The following OR10A2 variants were observed in gnomAD, a reference collection of about 807,000 sequenced individuals.
OR10A2 encodes the protein olfactory receptor 10A2.
OR10A2 carries 15 observed loss-of-function variants against 13.7 expected under a neutral mutation model. The observed-to-expected ratio is 1.10, with a 90% CI of 0.73 to 1.69. OR10A2 has a LOEUF of 1.69. Among genes scored for constraint, OR10A2 ranks in the 40% most tolerant of loss-of-function variants. The pLI is 0.00. For missense variants in OR10A2, 343 were observed against 361.1 expected (o/e 0.95, Z 0.41); for synonymous variants, 145 against 144.7 (o/e 1.00, Z -0.02).
At chr11:6,865,055 TAAAA>T (rs1220461523) in intron 1 of OR10A2, among the ~76,000 whole-genome samples, 3 of 145,700 alleles carry the variant, frequency 2.1e-5, no homozygotes, top group Admixed American at 1.4e-4. Context: ...ATGTTCATCT[TAAAA>T]TGAATATATA....
At chr11:6,864,279 G>C (rs1425470671) in intron 1 of OR10A2, among the ~76,000 whole-genome samples, 3 of 151,230 alleles carry the variant, frequency 2.0e-5, no homozygotes, top group Non-Finnish European at 4.4e-5. Flanking sequence ...TCTGTCATGA[G>C]GCTTCTAGTT....
chr11:6,867,513 C>T (rs116587220), intron 1 of OR10A2, among the ~76,000 whole-genome samples: 1,814 of 151,622 alleles, frequency 0.012, 39 homozygotes, highest in Admixed American at 0.033. Context: ...TGCCTGGCCT[C>T]GATATTCAAT....
At chr11:6,863,961 T>C (rs1336222718) in intron 1 of OR10A2, among the ~76,000 whole-genome samples, 2 of 152,218 alleles carry the variant, frequency 1.3e-5, no homozygotes, top group African/African-American at 4.8e-5. Flanking sequence ...CATTATAAGA[T>C]TTTTTTCCTT....
rs1848458912 is a variant in OR10A2 at position 6,873,757 on chromosome 11, T to C, written c.*3091T>C. ...AAGCAGGTAAGTGACTTAACCAGAG[T>C]TGCTGGTTAAGACAGCAACTGGTAA... On this transcript the variant is annotated 3_prime_UTR_variant, in exon 2 of 2. Transcript: ENST00000641461. 1 of 147,820 alleles carries C rather than the reference T, an allele frequency of 6.8e-6. No individual in the cohort carries two copies. Among genetic ancestry groups the C allele is most frequent in the Admixed American group, 6.8e-5 (1 of 14,660 alleles). 9.2% of individuals were successfully genotyped at this position (147,820 alleles called of 1,614,324 possible). A position where few individuals can be genotyped will look rare whatever the true frequency, so the allele number is the denominator to read the frequency against.
At chr11:6,869,538 G>T (rs1848406636) in intron 1 of OR10A2, 85 bp from the exon 2 acceptor site, 2 of 580,172 alleles carry the variant, frequency 3.4e-6, no homozygotes, top group Non-Finnish European at 6.1e-6. Flanking sequence ...ATTAGGCTCT[G>T]GCTACTATTT....
intron 1 of OR10A2, among the ~76,000 whole-genome samples, chr11:6,865,242 A>C (rs1003109577): frequency 4.0e-5 from 6 of 150,214 alleles, no homozygotes; most frequent in Non-Finnish European, 7.4e-5. Flanking sequence ...CCCTCCTTTT[A>C]CCACTTGAAA....
In OR10A2 at chr11:6,870,638, C is replaced by T. The variant is rs899545925; in HGVS notation, c.884C>T (p.Ala295Val). 32 of 1,592,648 alleles carry T rather than the reference C, an allele frequency of 2.0e-5. No individual in the cohort carries two copies. Among genetic ancestry groups the T allele is most frequent in the East Asian group, 1.1e-4 (5 of 44,776 alleles). Residue 295 changes from alanine (A) to valine (V), a missense_variant, in exon 2 of 2, where the codon GCC becomes GTC. Coordinates refer to ENST00000641461, the MANE Select transcript of OR10A2 (RefSeq NM_001004460.2). The stretch of plus-strand genomic sequence containing the variant: ...GCCCTCAGCAGGACGGTCTCTAAGG[C>T]CCTAGCCCTCAGAAACTGTATCCCA... ...KNALSRTVSK[A>V]LALRNCIP is the part of the protein sequence containing the mutation.
In OR10A2 at chr11:6,870,827, G is replaced by A. The variant is rs1339486156; in HGVS notation, c.*161G>A. On this transcript the variant is annotated 3_prime_UTR_variant, in exon 2 of 2. Transcript: ENST00000641461. The stretch of plus-strand genomic sequence containing the variant: ...GAGAAAGGAGCAGAGAAGTAGTTTC[G>A]ACCTAGCACCACCAACTATGAAAAC... The A allele has an allele frequency of 5.4e-6, 3 of 560,416 alleles. No individual in the cohort carries two copies. Among genetic ancestry groups the A allele is most frequent in the Middle Eastern group, 2.6e-4 (1 of 3,784 alleles). 34.7% of individuals were successfully genotyped at this position (560,416 alleles called of 1,614,324 possible).
chr11:6,867,171 C>T (rs999039759), intron 1 of OR10A2, among the ~76,000 whole-genome samples: 3 of 151,666 alleles, frequency 2.0e-5, no homozygotes, highest in African/African-American at 7.3e-5. Flanking sequence ...CTTTTCTGGC[C>T]CCACACTGTC....
chr11:6,869,198 C>T (rs1239626596), intron 1 of OR10A2, among the ~76,000 whole-genome samples: 3 of 152,212 alleles, frequency 2.0e-5, no homozygotes, highest in Non-Finnish European at 4.4e-5. Flanking sequence ...TCAATACATG[C>T]TAACCTTTCA....
rs929157547 is a variant in OR10A2, at chr11:6,873,046, A to T, written c.*2380A>T. ...TTACCATGTTGGAGCTCCTGGCCTC[A>T]AGTGATCTGCCTGCCTCAGCCTCCC... On this transcript the variant is annotated 3_prime_UTR_variant, in exon 2 of 2. Transcript: ENST00000641461. The T allele has an allele frequency of 2.0e-5, 3 of 151,912 alleles. No individual in the cohort carries two copies. The highest frequency in any genetic ancestry group is 7.3e-5 in the African/African-American group (3 of 41,290). The allele number at this position is 151,912 out of a possible 1,614,324, so 9.4% of individuals were successfully genotyped here.
chr11:6,874,634 C>A lies in OR10A2; in HGVS notation c.*3968C>A, dbSNP rs1035638505. On this transcript the variant is annotated 3_prime_UTR_variant, in exon 2 of 2. Transcript: ENST00000641461. The stretch of plus-strand genomic sequence containing the variant: ...TTGCTGAAAAAACTACTCAACTTAT[C>A]TGTGTCTCAGATTCCTTGACTGTAA... 1.3e-5 allele frequency: 2 copies of A among 152,162 alleles called. No homozygotes were observed. The allele number at this position is 152,162 out of a possible 1,614,324, so 9.4% of individuals were successfully genotyped here. A position where few individuals can be genotyped will look rare whatever the true frequency, so the allele number is the denominator to read the frequency against.
rs780447390 is a variant in OR10A2, at chr11:6,870,328, C to T, written c.574C>T (p.Leu192=). Reference sequence around the variant, plus strand: ...GATCTACGCCATCGTCGGAACCATTCTGGTGGTCATGATCCCCTGCTTGCT... The same window carrying T: ...GATCTACGCCATCGTCGGAACCATTTTGGTGGTCATGATCCCCTGCTTGCT... ...FEIYAIVGTI[L]VVMIPCLLIL... Residue 192 remains leucine, a synonymous_variant, in exon 2 of 2, where the codon CTG becomes TTG. Transcript: ENST00000641461. 14 of 1,614,054 alleles carry T rather than the reference C, an allele frequency of 8.7e-6. No homozygotes were observed. Among genetic ancestry groups the T allele is most frequent in the Middle Eastern group, 3.3e-4 (2 of 6,084 alleles).
Position 6,870,597 on chromosome 11 carries a change from T to C in OR10A2, c.843T>C (p.Asn281=), listed in dbSNP as rs1848423324. The change falls in exon 2 of 2, where the codon AAT becomes AAC. Residue 281 remains asparagine (N), a synonymous_variant. Transcript: ENST00000641461. ...MLNPIIYSLR[N]NEVKNALSRT... is the part of the protein sequence containing the mutation. ...ACCCCATTATCTACAGCCTGAGAAA[T>C]AACGAGGTGAAGAATGCCCTCAGCA... The C allele has an allele frequency of 1.9e-6, 3 of 1,613,592 alleles. No homozygotes were observed. Among genetic ancestry groups the C allele is most frequent in the Admixed American group, 1.7e-5 (1 of 59,972 alleles).
At position 6,870,814 on chromosome 11, in the gene OR10A2, G is replaced by A; in HGVS notation, c.*148G>A. On this transcript the variant is annotated 3_prime_UTR_variant, in exon 2 of 2. Transcript: ENST00000641461. Reference sequence around the variant, plus strand: ...AAAGCTGAGTGGAGAGAAAGGAGCAGAGAAGTAGTTTCGACCTAGCACCAC... The same window carrying A: ...AAAGCTGAGTGGAGAGAAAGGAGCAAAGAAGTAGTTTCGACCTAGCACCAC... The A allele has an allele frequency of 6.3e-6, 4 of 635,990 alleles. No homozygotes were observed. In the South Asian group the frequency reaches 1.0e-4, roughly 16 times the overall value. The allele number at this position is 635,990 out of a possible 1,614,324, so 39.4% of individuals were successfully genotyped here. A position where few individuals can be genotyped will look rare whatever the true frequency, so the allele number is the denominator to read the frequency against.
rs893467320 is a variant in OR10A2 at position 6,872,582 on chromosome 11, T to C, written c.*1916T>C. 2 of 152,224 alleles carry C rather than the reference T, an allele frequency of 1.3e-5. No individual in the cohort carries two copies. Among genetic ancestry groups the C allele is most frequent in the African/African-American group, 4.8e-5 (2 of 41,434 alleles). The allele number at this position is 152,224 out of a possible 1,614,324, so 9.4% of individuals were successfully genotyped here. A position where few individuals can be genotyped will look rare whatever the true frequency, so the allele number is the denominator to read the frequency against. On this transcript the variant is annotated 3_prime_UTR_variant, in exon 2 of 2. Coordinates refer to ENST00000641461, the MANE Select transcript of OR10A2 (RefSeq NM_001004460.2). Reference sequence around the variant, plus strand: ...TCACTGTAGCCTCAAACACCTGGGCTCAGGCCATCTTCCTGCCTCAGTCTC... The same window carrying C: ...TCACTGTAGCCTCAAACACCTGGGCCCAGGCCATCTTCCTGCCTCAGTCTC...
intron 1 of OR10A2, among the ~76,000 whole-genome samples, chr11:6,866,673 T>C (rs1299852897): frequency 2.6e-5 from 4 of 152,130 alleles, no homozygotes; most frequent in Admixed American, 1.3e-4. Flanking sequence ...TATTTTTTTG[T>C]TTGGTTGTGG....
At position 6,863,358 on chromosome 11, in the gene OR10A2, CTTTTTTTTTTTTTTT is replaced by C. The variant is rs60582338; in HGVS notation, c.-133+19_-133+33del. On this transcript the variant is annotated splice_region_variant and intron_variant, in intron 1 of 1. Transcript: ENST00000641461. The stretch of plus-strand genomic sequence containing the variant: ...ATGTTCCTGTTGGACACAGGTAAGC[CTTTTTTTTTTTTTTT>C]TTTTTTTTTTTCCACCAAGGACTGA... The C allele has an allele frequency of 1.1e-5, 1 of 89,290 alleles. No individual in the cohort carries two copies. Among genetic ancestry groups the C allele is most frequent in the Non-Finnish European group, 2.0e-5 (1 of 49,654 alleles). The allele number at this position is 89,290 out of a possible 1,614,324, so 5.5% of individuals were successfully genotyped here.
At position 6,870,988 on chromosome 11, in the gene OR10A2, C is replaced by T. The variant is rs113587225; in HGVS notation, c.*322C>T. 1,488 of 163,702 alleles carry T rather than the reference C, an allele frequency of 9.1e-3. 12 individuals are homozygous for T. The highest frequency in any genetic ancestry group is 0.013 in the Admixed American group (220 of 16,404). The allele number at this position is 163,702 out of a possible 1,614,324, so 10.1% of individuals were successfully genotyped here. ...TTGAGACGGAGTCTCGCTCTGTCCC[C>T]CAGGCTGGAGTGCAGTGGCGCATCT... On this transcript the variant is annotated 3_prime_UTR_variant, in exon 2 of 2. Coordinates refer to ENST00000641461, the MANE Select transcript of OR10A2 (RefSeq NM_001004460.2).
Sources: gnomAD v4.1 joint callset for allele counts (sites outside exome capture counted in the v4.1 genomes callset) on GRCh38, gnomAD v4.1.1 for gene constraint, MANE v1.5 for transcripts, NCBI Gene and HGNC (gene_info 2026-07-23, HGNC 2026-07-21) for gene names.